BRMS1L: variants seen among roughly 807,000 people sequenced by gnomAD.
BRMS1L encodes the protein BRMS1 like transcriptional repressor.
In BRMS1L, 23 loss-of-function variants were observed where a neutral mutation model predicts 50.3. The observed-to-expected ratio is 0.46, with a 90% CI of 0.33 to 0.65. The LOEUF is 0.65. Among genes scored for constraint, BRMS1L ranks in the 30% least tolerant of loss-of-function variants. The probability of loss-of-function intolerance (pLI) is 0.02; values close to 1 mark genes in which losing one functional copy is unlikely to be tolerated. For synonymous variants in BRMS1L, 114 were observed against 126.9 expected (o/e 0.90, Z 0.69); for missense variants, 286 against 386.1 (o/e 0.74, Z 2.17).
At chr14:35,845,669 A>G (rs542662217) in intron 4 of BRMS1L, among the ~76,000 whole-genome samples, 27 of 152,218 alleles carry the variant, frequency 1.8e-4, no homozygotes, top group Non-Finnish European at 3.7e-4. Context: ...TTTCTCTTCC[A>G]TAGAAGTATA....
chr14:35,836,710 T>G (rs1006273248), intron 4 of BRMS1L, among the ~76,000 whole-genome samples: 4 of 152,190 alleles, frequency 2.6e-5, no homozygotes, highest in Admixed American at 6.5e-5. Context: ...CTTTCAATAT[T>G]TAGATTGCAA....
intron 2 of BRMS1L, among the ~76,000 whole-genome samples, chr14:35,832,590 A>G (rs936778697): frequency 1.3e-5 from 2 of 151,898 alleles, no homozygotes; most frequent in African/African-American, 4.8e-5. Context: ...GTAATTATTT[A>G]TTTTGACAAC....
intron 4 of BRMS1L, among the ~76,000 whole-genome samples, chr14:35,845,424 T>C (rs1435716082): frequency 6.6e-6 from 1 of 152,212 alleles, no homozygotes; most frequent in Non-Finnish European, 1.5e-5. Flanking sequence ...TTTTTACCAA[T>C]AGTTAAATTT....
Position 35,870,463 on chromosome 14 carries a change from A to T in BRMS1L, c.958A>T (p.Ile320Phe). Residue 320 changes from isoleucine (I) to phenylalanine (F), a missense_variant, in exon 10 of 10, where the codon ATT becomes TTT. This residue lies in a region of BRMS1L where 7 missense variants were observed against 19.2 expected (regional missense o/e 0.37). Coordinates refer to ENST00000216807, the MANE Select transcript of BRMS1L (RefSeq NM_032352.4). ...ACAGCTACAGAAAGGAAAATATTCA[A>T]TTAAACATTCATAATCATGATTTAA... is the stretch of plus-strand genomic sequence containing the variant. The part of the protein sequence containing the change: ...ISQLQKGKYS[I>F]KHS The T allele has an allele frequency of 6.3e-7, 1 of 1,590,706 alleles. No homozygotes were observed. Among genetic ancestry groups the T allele is most frequent in the Admixed American group, 1.7e-5 (1 of 58,810 alleles).
At chr14:35,862,344 A>G (rs2078363455) in intron 4 of BRMS1L, among the ~76,000 whole-genome samples, 1 of 152,160 alleles carries the variant, frequency 6.6e-6, no homozygotes, top group African/African-American at 2.4e-5. Flanking sequence ...CTAAATGTAC[A>G]TCAGACATAA....
chr14:35,838,829 A>G (rs1275311598), intron 4 of BRMS1L, among the ~76,000 whole-genome samples: 1 of 151,978 alleles, frequency 6.6e-6, no homozygotes, highest in Admixed American at 6.5e-5. Context: ...TTGCCTGTTC[A>G]CTCTGATGAT....
chr14:35,863,362 G>A (rs893030990), intron 5 of BRMS1L, among the ~76,000 whole-genome samples: 1 of 152,130 alleles, frequency 6.6e-6, no homozygotes, highest in African/African-American at 2.4e-5. Context: ...GGTCTACTAG[G>A]TTATCCTACA....
chr14:35,846,267 C>T (rs1006611800), intron 4 of BRMS1L, among the ~76,000 whole-genome samples: 1 of 151,774 alleles, frequency 6.6e-6, no homozygotes, highest in Non-Finnish European at 1.5e-5. Context: ...CATGGTGGCA[C>T]ACACCTGTAG....
intron 2 of BRMS1L, among the ~76,000 whole-genome samples, 149 bp from the exon 3 acceptor site, chr14:35,832,825 GTAAC>G (rs1376681113): frequency 6.6e-6 from 1 of 152,176 alleles, no homozygotes; most frequent in African/African-American, 2.4e-5. Flanking sequence ...GTCAAATAAT[GTAAC>G]TGAGTTCTCT....
chr14:35,861,522 A>G (rs1017002108), intron 4 of BRMS1L, among the ~76,000 whole-genome samples: 29 of 152,222 alleles, frequency 1.9e-4, no homozygotes, highest in African/African-American at 6.8e-4. Flanking sequence ...CAAGGGAACA[A>G]GCAAAAGGAA....
chr14:35,848,835 A>G (rs1041713889), intron 4 of BRMS1L, among the ~76,000 whole-genome samples: 6 of 151,968 alleles, frequency 3.9e-5, no homozygotes, highest in Non-Finnish European at 5.9e-5. Context: ...ATATATATCA[A>G]TTTTCTTTAT....
chr14:35,857,248 A>AT (rs1452867395), intron 4 of BRMS1L, among the ~76,000 whole-genome samples: 5 of 142,620 alleles, frequency 3.5e-5, no homozygotes, highest in Admixed American at 2.2e-4. Context: ...CTCAAAAAAA[A>AT]AAATATATAT....
At chr14:35,846,862 A>G (rs2078141732) in intron 4 of BRMS1L, among the ~76,000 whole-genome samples, 1 of 152,162 alleles carries the variant, frequency 6.6e-6, no homozygotes, top group Admixed American at 6.5e-5. Context: ...TTATATAAAT[A>G]TGGACTCCTT....
chr14:35,832,626 C>A (rs2077937596), intron 2 of BRMS1L, among the ~76,000 whole-genome samples: 1 of 151,806 alleles, frequency 6.6e-6, no homozygotes, highest in Non-Finnish European at 1.5e-5. Context: ...AAAATGATTT[C>A]TTTGTTTCTT....
intron 4 of BRMS1L, 108 bp from the exon 5 acceptor site, chr14:35,862,482 G>T: frequency 2.1e-6 from 1 of 479,166 alleles, no homozygotes. Flanking sequence ...AATTGAAAAA[G>T]CAAACCAAAG....
At chr14:35,851,237 G>A (rs977827781) in intron 4 of BRMS1L, among the ~76,000 whole-genome samples, 22 of 152,254 alleles carry the variant, frequency 1.4e-4, no homozygotes, top group African/African-American at 4.8e-4. Context: ...AGGTGAAACC[G>A]CACAGGTGTC....
At chr14:35,838,988 G>T (rs1040768040) in intron 4 of BRMS1L, among the ~76,000 whole-genome samples, 2 of 152,218 alleles carry the variant, frequency 1.3e-5, no homozygotes, top group South Asian at 2.1e-4. Context: ...TTCTTCTAGG[G>T]TTTTTATGGT....
chr14:35,831,433 A>C lies in BRMS1L; in HGVS notation c.166A>C (p.Arg56=). The C allele has an allele frequency of 1.9e-6, 3 of 1,613,634 alleles. No homozygotes were observed. Among genetic ancestry groups the C allele is most frequent in the Non-Finnish European group, 2.5e-6 (3 of 1,179,648 alleles). ...SSEMDDEDCE[R]RRMECLDEMS... ...AGAAATGGATGATGAAGACTGTGAAAGAAGAAGAATGGAATGTTTGGATGA... is the reference window on the plus strand; with the variant it reads ...AGAAATGGATGATGAAGACTGTGAACGAAGAAGAATGGAATGTTTGGATGA... Residue 56 remains arginine (R), a synonymous_variant, in exon 2 of 10, where the codon AGA becomes CGA. Transcript: ENST00000216807.
intron 4 of BRMS1L, among the ~76,000 whole-genome samples, chr14:35,849,786 C>A (rs1005730248): frequency 1.3e-5 from 2 of 151,572 alleles, no homozygotes; most frequent in African/African-American, 4.8e-5. Context: ...ATCATTTGGG[C>A]TTTTGCTACG....
Sources: gnomAD v4.1 joint callset for allele counts (sites outside exome capture counted in the v4.1 genomes callset) on GRCh38, gnomAD v4.1.1 for gene constraint, gnomAD v4.1.1 regional missense constraint, MANE v1.5 for transcripts, NCBI Gene and HGNC (gene_info 2026-07-23, HGNC 2026-07-21) for gene names.